MTERF4: variants seen among roughly 807,000 people sequenced by gnomAD.
MTERF4 encodes the protein mitochondrial transcription termination factor 4.
In MTERF4, 17 loss-of-function variants were observed where a neutral mutation model predicts 22.5. The observed-to-expected ratio is 0.75, with a 90% CI of 0.52 to 1.13. The LOEUF is 1.13. Ranked by LOEUF, MTERF4 falls within the 50% of genes most tolerant of loss-of-function variation. The pLI is 0.00. For synonymous variants in MTERF4, 165 were observed against 175.3 expected, an observed-to-expected ratio of 0.94 and a Z score of 0.47; for missense variants, 420 against 466.8, an observed-to-expected ratio of 0.90 and a Z score of 0.92.
intron 1 of MTERF4, chr2:241,101,091 A>T: frequency 2.2e-6 from 1 of 452,530 alleles, no homozygotes; most frequent in Middle Eastern, 7.2e-4. Flanking sequence ...ATTCAAGCAT[A>T]TTACATTTGT....
the MTERF4 span, chr2:241,063,759 A>G: frequency 1.6e-6 from 2 of 1,257,368 alleles, no homozygotes; most frequent in African/African-American, 3.0e-5. Flanking sequence ...AAGATCAGAG[A>G]GGAGGTGGGG....
At chr2:241,071,448 C>A, downstream of MTERF4, 1 of 1,106,298 alleles carries the variant, frequency 9.0e-7, no homozygotes, top group Non-Finnish European at 1.3e-6. Flanking sequence ...TGACCACGGC[C>A]CACGCACATG....
At chr2:241,066,322 C>G in the MTERF4 span, among the ~76,000 whole-genome samples, 2 of 152,182 alleles carry the variant, frequency 1.3e-5, no homozygotes, top group Admixed American at 1.3e-4. Context: ...GGCTTGTGTG[C>G]TGCTGGGAGG....
chr2:241,065,366 C>T, the MTERF4 span: 69 of 1,613,028 alleles, frequency 4.3e-5, no homozygotes, highest in Non-Finnish European at 5.8e-5. Context: ...TCTCCTGGAA[C>T]CCGCCCAATG....
At chr2:241,094,651 G>T (rs55760994), downstream of MTERF4, 6,006 of 329,098 alleles carry the variant, frequency 0.018, 351 homozygotes, top group African/African-American at 0.12. The surrounding 1 kb of genome is among the most constrained non-coding windows in gnomAD (Gnocchi z 4.3). Flanking sequence ...CCAGGCCTTA[G>T]ATGAGTTTCT....
chr2:241,089,508 C>A, downstream of MTERF4: 1 of 1,403,686 alleles, frequency 7.1e-7, no homozygotes, highest in South Asian at 1.4e-5. Context: ...GAGCTCCGCA[C>A]ATGGCAGGAA....
At chr2:241,099,348 T>G in intron 2 of MTERF4, 48 bp downstream of exon 2, 1 of 1,570,948 alleles carries the variant, frequency 6.4e-7, no homozygotes, top group Non-Finnish European at 8.6e-7. Flanking sequence ...GATCTGGGAT[T>G]ACAGGCATGA....
chr2:241,094,412 T>C, downstream of MTERF4: 1 of 471,298 alleles, frequency 2.1e-6, no homozygotes, highest in South Asian at 1.5e-5. The surrounding 1 kb of genome is among the most constrained non-coding windows in gnomAD (Gnocchi z 4.3). Context: ...TTCTTTGCAG[T>C]CACGCTGTAA....
chr2:241,102,102 G>T (rs529664114), intron 1 of MTERF4, 151 bp downstream of exon 1: 2 of 983,670 alleles, frequency 2.0e-6, no homozygotes, highest in African/African-American at 1.6e-5. Flanking sequence ...GCAGAGCCAC[G>T]GGTCCAGGAT....
At chr2:241,076,685 G>A (rs957570939) in intron 4 of MTERF4, among the ~76,000 whole-genome samples, 3 of 152,100 alleles carry the variant, frequency 2.0e-5, no homozygotes, top group African/African-American at 7.2e-5. Flanking sequence ...GGCCAACATG[G>A]TGAAACCTGT....
At chr2:241,051,590 G>C in the MTERF4 span, 2 of 564,520 alleles carry the variant, frequency 3.5e-6, no homozygotes, top group Non-Finnish European at 6.1e-6. This position sits in a 1 kb window ranked among gnomAD's most constrained non-coding sequence, Gnocchi z 4.7. Context: ...CCATGTGTGC[G>C]GACCTGCTTG....
intron 4 of MTERF4, among the ~76,000 whole-genome samples, chr2:241,078,106 C>G (rs58477296): frequency 6.6e-6 from 1 of 152,050 alleles, no homozygotes; most frequent in African/African-American, 2.4e-5. Context: ...GAAAAGTGGC[C>G]GGGCGCGGTG....
chr2:241,052,082 G>A, the MTERF4 span: 5 of 1,613,790 alleles, frequency 3.1e-6, no homozygotes, highest in Admixed American at 5.0e-5. Flanking sequence ...TCACAACGGC[G>A]GCACCTGCTT....
In MTERF4 at chr2:241,073,289, G is replaced by A. The variant is rs373865004; in HGVS notation, n.2873C>T. 1.6e-4 allele frequency: 248 copies of A among 1,564,682 alleles called. No individual in the cohort carries two copies. Among genetic ancestry groups the A allele is most frequent in the South Asian group, 2.2e-4 (19 of 84,642 alleles). ...AGAACCCACAGCCTCGGCGCAGCTCGAGAACATGGAGGAAGCCCCCAAGCG... is the reference window on the plus strand; with the variant it reads ...AGAACCCACAGCCTCGGCGCAGCTCAAGAACATGGAGGAAGCCCCCAAGCG... On this transcript the variant is annotated non_coding_transcript_exon_variant, in exon 5 of 5. Transcript: ENST00000464344. This position sits in a 1 kb window ranked among gnomAD's most constrained non-coding sequence, Gnocchi z 6.6.
At chr2:241,065,388 A>T in the MTERF4 span, 1 of 1,613,190 alleles carries the variant, frequency 6.2e-7, no homozygotes, top group Non-Finnish European at 8.5e-7. Flanking sequence ...TCCAGCCGCC[A>T]GGCAGATGCT....
chr2:241,066,311 G>A, the MTERF4 span, among the ~76,000 whole-genome samples: 2 of 152,198 alleles, frequency 1.3e-5, no homozygotes, highest in East Asian at 1.9e-4. Flanking sequence ...AGGGCTTAGC[G>A]GGCTTGTGTG....
chr2:241,049,937 T>C, the MTERF4 span: 3 of 1,611,544 alleles, frequency 1.9e-6, no homozygotes, highest in Admixed American at 5.0e-5. Context: ...GAGAAAGGTA[T>C]GGCGGGCAGG....
At chr2:241,061,865 A>G in the MTERF4 span, among the ~76,000 whole-genome samples, 1 of 151,912 alleles carries the variant, frequency 6.6e-6, no homozygotes, top group Non-Finnish European at 1.5e-5. Flanking sequence ...AAAAAAAAAA[A>G]AAGAAAAAAA....
chr2:241,086,346 C>T (rs1418619512), downstream of MTERF4, among the ~76,000 whole-genome samples: 1 of 120,584 alleles, frequency 8.3e-6, no homozygotes, highest in Non-Finnish European at 1.7e-5. Flanking sequence ...TCCTCCTCTG[C>T]ATAGTTCCCT....
Sources: gnomAD v4.1 joint callset for allele counts (sites outside exome capture counted in the v4.1 genomes callset) on GRCh38, gnomAD v4.1.1 for gene constraint, Gnocchi (gnomAD v3.1) non-coding constraint, MANE v1.5 for transcripts, NCBI Gene and HGNC (gene_info 2026-07-23, HGNC 2026-07-21) for gene names.